The following XIRP2 variants were observed in gnomAD, a reference collection of about 807,000 sequenced individuals.
XIRP2 encodes xin actin-binding repeat-containing protein 2.
In XIRP2, 236 loss-of-function variants were observed where a neutral mutation model predicts 277.0. That is an observed-to-expected ratio of 0.85 (90% CI 0.77 to 0.95). The LOEUF (loss-of-function observed/expected upper bound fraction) is 0.95, where lower values mean the gene tolerates loss of function less well. XIRP2 is among the 40% of genes least tolerant of loss of function. The probability of loss-of-function intolerance (pLI) is 0.00; values close to 1 mark genes in which losing one functional copy is unlikely to be tolerated. For missense variants in XIRP2, 4,640 were observed against 4,157.5 expected (o/e 1.12, Z -3.19); for synonymous variants, 1,490 against 1,416.5 (o/e 1.05, Z -1.17).
intron 2 of XIRP2, among the ~76,000 whole-genome samples, chr2:166,996,719 TGTA>T (rs547212587): frequency 6.6e-6 from 1 of 152,142 alleles, no homozygotes; most frequent in Non-Finnish European, 1.5e-5. Flanking sequence ...ACAATAAAAT[TGTA>T]GTCGGCCTGA....
intron 2 of XIRP2, among the ~76,000 whole-genome samples, chr2:167,048,088 A>G (rs888699351): frequency 6.6e-6 from 1 of 151,972 alleles, no homozygotes; most frequent in Admixed American, 6.6e-5. Flanking sequence ...GTTTTAACAT[A>G]TAAATTTTGG....
intron 5 of XIRP2, among the ~76,000 whole-genome samples, chr2:167,238,884 A>G (rs146958610): frequency 1.3e-5 from 2 of 152,276 alleles, no homozygotes; most frequent in African/African-American, 2.4e-5. Flanking sequence ...CAATCAATCA[A>G]TCAATCAATC....
At position 167,259,505 on chromosome 2, in the gene XIRP2, A is replaced by C. The variant is rs1259161835; in HGVS notation, c.*1688A>C. ...GAAATCTCGTGTCTATCTCAATGGGATATTTCTTGTATTACACCTTGTCAT... is the reference window on the plus strand; with the variant it reads ...GAAATCTCGTGTCTATCTCAATGGGCTATTTCTTGTATTACACCTTGTCAT... On this transcript the variant is annotated 3_prime_UTR_variant, in exon 11 of 11. Transcript: ENST00000409195. 13 of 786,990 alleles carry C rather than the reference A, an allele frequency of 1.7e-5. No homozygotes were observed. Among genetic ancestry groups the C allele is most frequent in the Non-Finnish European group, 2.3e-5 (12 of 520,562 alleles). 48.8% of individuals were successfully genotyped at this position (786,990 alleles called of 1,614,324 possible).
rs267598980 is a variant in XIRP2, at chr2:166,903,861, G to A, written c.379G>A (p.Gly127Arg). The A allele has an allele frequency of 6.2e-7, 1 of 1,613,388 alleles. No individual in the cohort carries two copies. The highest frequency in any genetic ancestry group is 8.5e-7 in the Non-Finnish European group (1 of 1,179,552). ...LRSVFEAPKS[G>R]NKPAEYGGKE... Reference sequence around the variant, plus strand: ...GAGTGTGTTTGAGGCTCCTAAGAGTGGAAACAAACCAGCTGAGTACGGTGG... The same window carrying A: ...GAGTGTGTTTGAGGCTCCTAAGAGTAGAAACAAACCAGCTGAGTACGGTGG... Residue 127 changes from glycine to arginine, a missense_variant, in exon 2 of 11, where the codon GGA becomes AGA. Transcript: ENST00000409195.
intron 4 of XIRP2, among the ~76,000 whole-genome samples, chr2:167,216,998 T>G (rs887924287): frequency 6.0e-4 from 86 of 142,848 alleles, no homozygotes; most frequent in African/African-American, 2.3e-3. Context: ...ATGGATGAAA[T>G]TGGAAACCAT....
chr2:167,221,460 C>CAAAAAAAAAAAAAAAAAAAAA (rs57006710), intron 5 of XIRP2, among the ~76,000 whole-genome samples: 1 of 63,458 alleles, frequency 1.6e-5, no homozygotes, highest in African/African-American at 4.6e-5. Context: ...AACTCCATCT[C>CAAAAAAAAAAAAAAAAAAAAA]AAAAAAAAAA....
At chr2:167,195,482 T>C (rs1693472697) in intron 3 of XIRP2, among the ~76,000 whole-genome samples, 1 of 152,218 alleles carries the variant, frequency 6.6e-6, no homozygotes, top group African/African-American at 2.4e-5. Flanking sequence ...TCCACATTCT[T>C]AGCATGTCCT....
At position 167,210,841 on chromosome 2, in the gene XIRP2, G is replaced by T; in HGVS notation, c.669G>T (p.Met223Ile). Residue 223 changes from methionine to isoleucine, a missense_variant, in exon 4 of 11, where the codon ATG (methionine) becomes ATT (isoleucine). Physicochemically the swap from Met to Ile is conservative, Grantham distance 10. Coordinates refer to ENST00000409195, the MANE Select transcript of XIRP2 (RefSeq NM_152381.6). ...LHEVVSLKER[M>I]ARYQAAVSRG... ...AAGTGGTCTCCCTGAAGGAGCGGAT[G>T]GCGAGGTACCAGGCAGCTGTTTCCA... is the stretch of plus-strand genomic sequence containing the variant. 6.2e-7 allele frequency: 1 copy of T among 1,614,168 alleles called. No homozygotes were observed. The highest frequency in any genetic ancestry group is 8.5e-7 in the Non-Finnish European group (1 of 1,180,028).
intron 2 of XIRP2, among the ~76,000 whole-genome samples, chr2:167,050,901 C>T (rs996408864): frequency 1.3e-5 from 2 of 151,680 alleles, no homozygotes; most frequent in Admixed American, 6.6e-5. Context: ...AAAGTGACTT[C>T]GCATTGCTTA....
chr2:166,985,526 G>A (rs1051216407), intron 2 of XIRP2, among the ~76,000 whole-genome samples: 1 of 151,870 alleles, frequency 6.6e-6, no homozygotes, highest in Non-Finnish European at 1.5e-5. Flanking sequence ...CGCCTCCTGG[G>A]TTCAAGCAAT....
At chr2:166,961,439 A>C (rs1665041131) in intron 2 of XIRP2, among the ~76,000 whole-genome samples, 1 of 151,802 alleles carries the variant, frequency 6.6e-6, no homozygotes, top group Non-Finnish European at 1.5e-5. Flanking sequence ...CTTTTAAAAA[A>C]GTAAAAAAAG....
chr2:167,144,471 A>G (rs909614967), intron 3 of XIRP2, among the ~76,000 whole-genome samples: 1 of 151,990 alleles, frequency 6.6e-6, no homozygotes, highest in Non-Finnish European at 1.5e-5. Flanking sequence ...CAGTCGTTCT[A>G]TTTTTTGAAG....
chr2:167,167,872 A>G (rs1692573201), intron 3 of XIRP2, among the ~76,000 whole-genome samples: 4 of 152,052 alleles, frequency 2.6e-5, no homozygotes, highest in East Asian at 1.9e-4. Flanking sequence ...TCTGACCTAT[A>G]TCATTTTTCT....
chr2:166,969,137 T>A (rs1353708690), intron 2 of XIRP2, among the ~76,000 whole-genome samples: 1 of 151,948 alleles, frequency 6.6e-6, no homozygotes, highest in Non-Finnish European at 1.5e-5. Context: ...TGTTTCTTCA[T>A]TCACATCCAG....
chr2:167,008,749 G>C (rs1033469134), intron 2 of XIRP2, among the ~76,000 whole-genome samples: 1 of 151,406 alleles, frequency 6.6e-6, no homozygotes, highest in African/African-American at 2.4e-5. Flanking sequence ...ATGGACCTTT[G>C]TGCATCCCAA....
At chr2:166,923,545 G>T (rs987791569) in intron 2 of XIRP2, among the ~76,000 whole-genome samples, 3 of 151,972 alleles carry the variant, frequency 2.0e-5, no homozygotes, top group African/African-American at 7.2e-5. Context: ...TTTCCATAAA[G>T]ATATGACCAT....
At chr2:167,011,145 G>A (rs1439959324) in intron 2 of XIRP2, among the ~76,000 whole-genome samples, 1 of 149,124 alleles carries the variant, frequency 6.7e-6, no homozygotes, top group Admixed American at 6.7e-5. Flanking sequence ...TCCCTGTCTT[G>A]TGCCAGTTTT....
intron 1 of XIRP2, among the ~76,000 whole-genome samples, chr2:166,895,048 G>A (rs1488979302): frequency 6.6e-6 from 1 of 152,068 alleles, no homozygotes; most frequent in African/African-American, 2.4e-5. Context: ...GAGAAAATAA[G>A]AAATGCAAGA....
At chr2:167,223,287 A>G (rs1559028433) in intron 5 of XIRP2, among the ~76,000 whole-genome samples, 1 of 152,164 alleles carries the variant, frequency 6.6e-6, no homozygotes, top group Non-Finnish European at 1.5e-5. Flanking sequence ...AGTGCAATCC[A>G]GTGCTGAGGT....
Sources: allele counts gnomAD v4.1 joint callset (sites outside exome capture counted in the v4.1 genomes callset), GRCh38; gene constraint gnomAD v4.1.1; transcripts MANE v1.5; gene names NCBI Gene and HGNC (gene_info 2026-07-23, HGNC 2026-07-21).